CELF2: variants seen among roughly 807,000 people sequenced by gnomAD.
The protein encoded by CELF2 is CUG triplet repeat RNA-binding protein 2.
CELF2 carries 8 observed loss-of-function variants against 62.6 expected under a neutral mutation model. The observed-to-expected ratio is 0.13, with a 90% confidence interval of 0.07 to 0.23. The LOEUF is 0.23. CELF2 is among the 10% of genes least tolerant of loss of function. The pLI is 1.00. For missense variants in CELF2, 333 were observed against 671.0 expected, an observed-to-expected ratio of 0.50 and a Z score of 5.56; for synonymous variants, 258 against 250.0, an observed-to-expected ratio of 1.03 and a Z score of -0.30.
intron 1 of CELF2, among the ~76,000 whole-genome samples, chr10:11,022,445 A>T (rs2058482200): frequency 6.6e-6 from 1 of 152,194 alleles, no homozygotes; most frequent in East Asian, 1.9e-4. Flanking sequence ...GAAAGACAAG[A>T]TAAAAAGGTG....
intron 1 of CELF2, among the ~76,000 whole-genome samples, chr10:10,863,327 A>G (rs2060156249): frequency 6.6e-6 from 1 of 152,230 alleles, no homozygotes; most frequent in Non-Finnish European, 1.5e-5. Context: ...TGTGTGTAGC[A>G]TGTGAGAAGG....
the CELF2 span, among the ~76,000 whole-genome samples, chr10:10,598,831 G>T: frequency 2.4e-5 from 3 of 126,218 alleles, no homozygotes; most frequent in Non-Finnish European, 4.6e-5. Flanking sequence ...TCGGCTCACT[G>T]CAACCTCCGC....
intron 2 of CELF2, among the ~76,000 whole-genome samples, chr10:10,921,550 G>A (rs1362609289): frequency 6.6e-6 from 1 of 152,222 alleles, no homozygotes; most frequent in Non-Finnish European, 1.5e-5. Context: ...TTACAGGTGT[G>A]AGCCACCGTG....
At chr10:10,630,958 T>C in the CELF2 span, among the ~76,000 whole-genome samples, 1 of 152,138 alleles carries the variant, frequency 6.6e-6, no homozygotes, top group Admixed American at 6.5e-5. Flanking sequence ...TTAGATAAAA[T>C]GTGATGTCAT....
intron 2 of CELF2, among the ~76,000 whole-genome samples, chr10:11,181,905 G>C (rs933928860): frequency 1.3e-5 from 2 of 152,138 alleles, no homozygotes; most frequent in African/African-American, 4.8e-5. Context: ...CCTTTTCATG[G>C]CACGTTGACA....
chr10:10,702,820 A>G, the CELF2 span, among the ~76,000 whole-genome samples: 1 of 152,196 alleles, frequency 6.6e-6, no homozygotes, highest in African/African-American at 2.4e-5. Flanking sequence ...TCCTGACCTC[A>G]TGGTTCACCC....
chr10:11,148,085 A>G (rs962629024), intron 1 of CELF2, among the ~76,000 whole-genome samples: 2 of 152,274 alleles, frequency 1.3e-5, no homozygotes, highest in African/African-American at 4.8e-5. Context: ...AAGTGACCCC[A>G]GTCCGGCAAG....
intron 1 of CELF2, among the ~76,000 whole-genome samples, chr10:10,875,270 C>A (rs1169506500): frequency 6.6e-6 from 1 of 152,106 alleles, no homozygotes; most frequent in Non-Finnish European, 1.5e-5. Flanking sequence ...AAAATAAAAT[C>A]ATTCTCTCTA....
chr10:11,281,123 A>G (rs533782004), intron 8 of CELF2, among the ~76,000 whole-genome samples: 80 of 151,936 alleles, frequency 5.3e-4, no homozygotes, highest in Admixed American at 2.0e-3. Context: ...CCCCACCCCC[A>G]GGCTGTCATG....
chr10:10,909,684 G>A (rs776125008), intron 1 of CELF2, among the ~76,000 whole-genome samples: 3 of 152,182 alleles, frequency 2.0e-5, no homozygotes, highest in South Asian at 2.1e-4. Flanking sequence ...GCTGTTAGGC[G>A]AATGAAGTCC....
intron 3 of CELF2, among the ~76,000 whole-genome samples, chr10:11,248,666 C>T (rs1024082494): frequency 6.6e-6 from 1 of 152,158 alleles, no homozygotes; most frequent in Non-Finnish European, 1.5e-5. Flanking sequence ...ATAACAATAG[C>T]TAAGTTATTT....
the CELF2 span, among the ~76,000 whole-genome samples, chr10:10,720,144 C>A: frequency 6.6e-6 from 1 of 152,144 alleles, no homozygotes; most frequent in Non-Finnish European, 1.5e-5. Context: ...GGGGCTCTGC[C>A]CTTGACTACC....
intron 1 of CELF2, among the ~76,000 whole-genome samples, chr10:10,866,485 G>A (rs1202598685): frequency 1.3e-5 from 2 of 151,580 alleles, no homozygotes. Flanking sequence ...CACGCCTGTA[G>A]TCCCAATTAT....
the CELF2 span, among the ~76,000 whole-genome samples, chr10:10,695,532 T>A: frequency 6.6e-6 from 1 of 150,998 alleles, no homozygotes; most frequent in Non-Finnish European, 1.5e-5. Context: ...TGTCTGTATT[T>A]CCTGAATCTG....
intron 1 of CELF2, among the ~76,000 whole-genome samples, chr10:10,823,493 C>G (rs920840194): frequency 6.6e-6 from 1 of 152,098 alleles, no homozygotes; most frequent in Non-Finnish European, 1.5e-5. Flanking sequence ...ACAATGCTTT[C>G]TAAACTGTAG....
intron 1 of CELF2, among the ~76,000 whole-genome samples, chr10:11,107,230 G>C (rs533681262): frequency 3.3e-5 from 5 of 152,320 alleles, no homozygotes; most frequent in Non-Finnish European, 7.4e-5. Context: ...GCTGGTTTTG[G>C]GAAGGGGGCT....
the CELF2 span, among the ~76,000 whole-genome samples, chr10:10,586,768 T>A: frequency 6.6e-6 from 1 of 152,180 alleles, no homozygotes; most frequent in Non-Finnish European, 1.5e-5. Context: ...AGAACCCATC[T>A]CCAGCATTAC....
At chr10:10,764,999 A>G in the CELF2 span, among the ~76,000 whole-genome samples, 1 of 152,212 alleles carries the variant, frequency 6.6e-6, no homozygotes, top group Non-Finnish European at 1.5e-5. Flanking sequence ...TTAAGGGAAA[A>G]CAGGAATGAA....
intron 1 of CELF2, among the ~76,000 whole-genome samples, chr10:10,842,853 T>C (rs1310649835): frequency 1.3e-5 from 2 of 152,004 alleles, no homozygotes; most frequent in Non-Finnish European, 2.9e-5. Flanking sequence ...TGGAAGAAAA[T>C]GTGGAGAATT....
Sources: gnomAD v4.1 joint callset for allele counts (sites outside exome capture counted in the v4.1 genomes callset) on GRCh38, gnomAD v4.1.1 for gene constraint, MANE v1.5 for transcripts, NCBI Gene and HGNC (gene_info 2026-07-23, HGNC 2026-07-21) for gene names.